The following PCDHA12 variants were observed in gnomAD, a reference collection of about 807,000 sequenced individuals.
PCDHA12 encodes the protein protocadherin alpha 12.
Under a neutral mutation model 60.0 loss-of-function variants are expected in PCDHA12, and 44 were observed. The observed-to-expected ratio is 0.73, with a 90% CI of 0.58 to 0.94. The LOEUF is 0.94. PCDHA12 is among the 40% of genes least tolerant of loss of function. PCDHA12 has a pLI of 0.00. For synonymous variants in PCDHA12, 569 were observed against 553.0 expected (o/e 1.03, Z -0.40); for missense variants, 1,276 against 1,239.7 (o/e 1.03, Z -0.44).
chr5:140,988,204 AG>A (rs2097287084), intron 3 of PCDHA12, among the ~76,000 whole-genome samples: 1 of 152,100 alleles, frequency 6.6e-6, no homozygotes, highest in South Asian at 2.1e-4. Context: ...TATCCTTATT[AG>A]GAAAAAAAAA....
Position 140,876,467 on chromosome 5 carries a change from G to T in PCDHA12, c.995G>T (p.Gly332Val). The T allele has an allele frequency of 6.2e-7, 1 of 1,614,020 alleles. No individual in the cohort carries two copies. The highest frequency in any genetic ancestry group is 8.5e-7 in the Non-Finnish European group (1 of 1,179,890). Reference sequence around the variant, plus strand: ...GATAAAGGGATTCCTTCCATGGCAGGTCACAGCATGGTCCTGGTGGAAGTT... The same window carrying T: ...GATAAAGGGATTCCTTCCATGGCAGTTCACAGCATGGTCCTGGTGGAAGTT... ...AIDKGIPSMA[G>V]HSMVLVEVLD... is the part of the protein sequence containing the mutation. Residue 332 changes from glycine (G) to valine (V), a missense_variant, in exon 1 of 4, where the codon GGT (glycine) becomes GTT (valine). Gly to Val is a moderately radical substitution (Grantham distance 109). Transcript: ENST00000398631.
intron 1 of PCDHA12, among the ~76,000 whole-genome samples, chr5:140,973,039 C>T (rs782146596): frequency 1.3e-5 from 2 of 152,040 alleles, no homozygotes; most frequent in Non-Finnish European, 2.9e-5. Flanking sequence ...ACTTTGAGTA[C>T]TCTAGTAGAT....
chr5:140,941,214 C>CCTTTCTTT lies in PCDHA12; in HGVS notation c.2368-37700_2368-37693dup, dbSNP rs60032403. On this transcript the variant is annotated intron_variant, in intron 1 of 3. Coordinates refer to ENST00000398631, the MANE Select transcript of PCDHA12 (RefSeq NM_018903.4). ...TTTTTTCTTTCTTCCTTTCTTTCTTCCTTTCTTTCTTTCTTTCTTTCTTTC... is the reference window on the plus strand; with the variant it reads ...TTTTTTCTTTCTTCCTTTCTTTCTTCCTTTCTTTCTTTCTTTCTTTCTTTCTTTCTTTC... Among the ~76,000 whole-genome samples, 464 of 122,456 alleles carry CCTTTCTTT rather than the reference C, an allele frequency of 3.8e-3. 7 individuals are homozygous for CCTTTCTTT. The highest frequency in any genetic ancestry group is 0.025 in the Middle Eastern group (6 of 238). 80.3% of individuals were successfully genotyped at this position (122,456 alleles called of 152,430 possible).
intron 1 of PCDHA12, among the ~76,000 whole-genome samples, chr5:140,974,881 C>A (rs191346198): frequency 6.6e-6 from 1 of 152,228 alleles, no homozygotes; most frequent in African/African-American, 2.4e-5. Flanking sequence ...GTCTATGTAT[C>A]CCTTTTCTGA....
At chr5:140,911,464 A>T (rs1300349898) in intron 1 of PCDHA12, among the ~76,000 whole-genome samples, 2 of 152,144 alleles carry the variant, frequency 1.3e-5, no homozygotes, top group African/African-American at 2.4e-5. Flanking sequence ...TCTACAGGAG[A>T]TAAGACTCTC....
intron 3 of PCDHA12, among the ~76,000 whole-genome samples, chr5:141,007,767 G>T (rs1322859075): frequency 6.6e-6 from 1 of 152,142 alleles, no homozygotes; most frequent in African/African-American, 2.4e-5. Context: ...TATTGGCCTG[G>T]AAATGGTACT....
chr5:140,946,806 T>A (rs965284033), intron 1 of PCDHA12, among the ~76,000 whole-genome samples: 20 of 151,184 alleles, frequency 1.3e-4, no homozygotes, highest in African/African-American at 4.6e-4. Context: ...GCAGAGAGTA[T>A]AACAGTGATT....
chr5:140,930,997 A>G (rs1355351475), intron 1 of PCDHA12, among the ~76,000 whole-genome samples: 3 of 152,198 alleles, frequency 2.0e-5, no homozygotes, highest in Admixed American at 1.3e-4. Context: ...GACCTACACT[A>G]ATAACATAAC....
Position 140,876,869 on chromosome 5 carries a change from A to G in PCDHA12, c.1397A>G (p.Glu466Gly). 3 of 1,614,030 alleles carry G rather than the reference A, an allele frequency of 1.9e-6. No individual in the cohort carries two copies. The highest frequency in any genetic ancestry group is 2.5e-6 in the Non-Finnish European group (3 of 1,179,982). ...AQPEYTVFVK[E>G]NNPPGCHIFT... ...CCCGAGTACACAGTGTTCGTGAAGG[A>G]GAACAACCCGCCGGGCTGCCACATC... The change falls in exon 1 of 4, where the codon GAG (glutamate) becomes GGG (glycine). Residue 466 changes from glutamate (E) to glycine (G), a missense_variant. Transcript: ENST00000398631.
chr5:140,886,847 AG>A lies in PCDHA12; in HGVS notation c.2367+9009del, dbSNP rs1299329603. ...GTCTTGAAAAAAAAAAAAAAAAAAA[AG>A]AAAGGTCTTCCCAACTCCTATATTG... On this transcript the variant is annotated intron_variant, in intron 1 of 3. Transcript: ENST00000398631. Among the ~76,000 whole-genome samples the A allele has an allele frequency of 2.2e-3, 339 of 151,134 alleles. 4 individuals are homozygous for A. Among genetic ancestry groups the A allele is most frequent in the African/African-American group, 7.8e-3 (323 of 41,170 alleles).
chr5:140,875,462 C>T lies in PCDHA12; in HGVS notation c.-11C>T, dbSNP rs1333440854. The T allele has an allele frequency of 6.3e-7, 1 of 1,598,882 alleles. No individual in the cohort carries two copies. Among genetic ancestry groups the T allele is most frequent in the Non-Finnish European group, 8.5e-7 (1 of 1,172,390 alleles). On this transcript the variant is annotated 5_prime_UTR_variant, in exon 1 of 4. Transcript: ENST00000398631. ...CTGATTGTCCCAACTCAGAGGCCCT[C>T]ATTTTCTGCAATGGTGATTATCGGA... is the stretch of plus-strand genomic sequence containing the variant.
chr5:140,908,186 G>A (rs189627133), intron 1 of PCDHA12, among the ~76,000 whole-genome samples: 52 of 152,292 alleles, frequency 3.4e-4, no homozygotes, highest in African/African-American at 1.2e-3. Context: ...CCACTTTCAG[G>A]TGGTGGACAT....
In PCDHA12 at chr5:140,958,926, C is replaced by T. The variant is rs2095452227; in HGVS notation, c.2368-20023C>T. Among the ~76,000 whole-genome samples the T allele has an allele frequency of 2.1e-5, 3 of 143,506 alleles. No individual in the cohort carries two copies. The Admixed American group carries it at 2.1e-4, about 10-fold the overall frequency. The allele number at this position is 143,506 out of a possible 152,430, so 94.1% of individuals were successfully genotyped here. A position where few individuals can be genotyped will look rare whatever the true frequency, so the allele number is the denominator to read the frequency against. Reference sequence around the variant, plus strand: ...AGAAAAGTCTGCCTGGGTGTGGTGGCTCATACTTGTAATAATATTATATTA... The same window carrying T: ...AGAAAAGTCTGCCTGGGTGTGGTGGTTCATACTTGTAATAATATTATATTA... On this transcript the variant is annotated intron_variant, in intron 1 of 3. Transcript: ENST00000398631.
intron 1 of PCDHA12, among the ~76,000 whole-genome samples, chr5:140,891,039 A>AC (rs143686625): frequency 6.6e-6 from 1 of 152,040 alleles, no homozygotes; most frequent in East Asian, 1.9e-4. Flanking sequence ...CTTAGGTGTG[A>AC]CCCCCACAGC....
In PCDHA12 at chr5:140,877,561, A is replaced by G. The variant is rs1582392588; in HGVS notation, c.2089A>G (p.Asn697Asp). 1 of 1,613,748 alleles carries G rather than the reference A, an allele frequency of 6.2e-7. No individual in the cohort carries two copies. The change falls in exon 1 of 4, where the codon AAC becomes GAC. Residue 697 changes from asparagine (N) to aspartate (D), a missense_variant. Transcript: ENST00000398631. Reference sequence around the variant, plus strand: ...TCCCGAAGCGGCTCTGGTGGATATTAACGTGTACCTCATCATCGCCATCTG... The same window carrying G: ...TCCCGAAGCGGCTCTGGTGGATATTGACGTGTACCTCATCATCGCCATCTG... ...VDPEAALVDI[N>D]VYLIIAICAV...
chr5:140,952,219 C>T (rs1442706652), intron 1 of PCDHA12, among the ~76,000 whole-genome samples: 24 of 152,086 alleles, frequency 1.6e-4, no homozygotes, highest in African/African-American at 4.8e-4. Flanking sequence ...CTTTTCCAGG[C>T]ACAGTGTGCA....
At chr5:140,957,780 G>A (rs2095383354) in intron 1 of PCDHA12, among the ~76,000 whole-genome samples, 1 of 152,020 alleles carries the variant, frequency 6.6e-6, no homozygotes, top group Non-Finnish European at 1.5e-5. Context: ...TAAAAACTAA[G>A]TTCATCATAT....
chr5:140,913,756 A>G (rs1184722554), intron 1 of PCDHA12, among the ~76,000 whole-genome samples: 1 of 152,072 alleles, frequency 6.6e-6, no homozygotes, highest in African/African-American at 2.4e-5. Context: ...GTTGTATCTC[A>G]TAGGTTTTGG....
At position 140,976,923 on chromosome 5, in the gene PCDHA12, C is replaced by T. The variant is rs2096737530; in HGVS notation, c.2368-2026C>T. Among the ~76,000 whole-genome samples the T allele has an allele frequency of 2.0e-5, 3 of 152,236 alleles. No individual in the cohort carries two copies. The South Asian group carries it at 6.2e-4, about 32-fold the overall frequency. On this transcript the variant is annotated intron_variant, in intron 1 of 3. Transcript: ENST00000398631. The stretch of plus-strand genomic sequence containing the variant: ...ATGTAATAAAGTGCAAAATCTAGTA[C>T]TGTGTAGCTACTTAAAACATATTAT...
Sources: gnomAD v4.1 joint callset for allele counts (sites outside exome capture counted in the v4.1 genomes callset) on GRCh38, gnomAD v4.1.1 for gene constraint, MANE v1.5 for transcripts, NCBI Gene and HGNC (gene_info 2026-07-23, HGNC 2026-07-21) for gene names.